ST3GAL3: variants seen among roughly 807,000 people sequenced by gnomAD.
ST3GAL3 encodes the protein ST3 beta-galactoside alpha-2,3-sialyltransferase 3, also known as CMP-N-acetylneuraminate-beta-1,4-galactoside alpha-2,3-sialyltransferase.
In ST3GAL3, 21 loss-of-function variants were observed where a neutral mutation model predicts 50.1. That is an observed-to-expected ratio of 0.42 (90% CI 0.30 to 0.60). ST3GAL3 has a LOEUF of 0.60. Among genes scored for constraint, ST3GAL3 ranks in the 20% least tolerant of loss-of-function variants. The pLI is 0.19. For synonymous variants in ST3GAL3, 183 were observed against 190.0 expected (o/e 0.96, Z 0.30); for missense variants, 353 against 489.4 (o/e 0.72, Z 2.63).
intron 6 of ST3GAL3, among the ~76,000 whole-genome samples, chr1:43,895,570 G>C (rs973750544): frequency 6.6e-6 from 1 of 152,130 alleles, no homozygotes; most frequent in African/African-American, 2.4e-5. Context: ...GTTGTTGTCA[G>C]AATTACATAA....
At chr1:43,742,020 G>A (rs561745490) in intron 2 of ST3GAL3, among the ~76,000 whole-genome samples, 2 of 152,222 alleles carry the variant, frequency 1.3e-5, no homozygotes, top group South Asian at 4.1e-4. Flanking sequence ...AGTCTGTGGG[G>A]GCATTCCTGT....
At chr1:43,731,377 A>G (rs1675709971) in intron 1 of ST3GAL3, among the ~76,000 whole-genome samples, 1 of 116,508 alleles carries the variant, frequency 8.6e-6, no homozygotes, top group Admixed American at 8.9e-5. Context: ...GCACCCAGCT[A>G]ATTTTTTTTT....
chr1:43,849,909 T>C (rs554240330), intron 5 of ST3GAL3, among the ~76,000 whole-genome samples: 1 of 152,306 alleles, frequency 6.6e-6, no homozygotes, highest in African/African-American at 2.4e-5. Flanking sequence ...GACAGGAGCA[T>C]TTCCTCTCTG....
At chr1:43,720,859 G>C (rs988463078) in intron 1 of ST3GAL3, among the ~76,000 whole-genome samples, 2 of 152,154 alleles carry the variant, frequency 1.3e-5, no homozygotes. Flanking sequence ...CAGCCAAAAA[G>C]TAGAAACAAC....
chr1:43,715,654 G>A (rs1571178009), intron 1 of ST3GAL3, among the ~76,000 whole-genome samples: 1 of 151,860 alleles, frequency 6.6e-6, no homozygotes, highest in East Asian at 1.9e-4. Context: ...GCCAAGCATG[G>A]TGGCACATCC....
intron 5 of ST3GAL3, among the ~76,000 whole-genome samples, chr1:43,849,049 T>C (rs2066799607): frequency 6.6e-6 from 1 of 152,210 alleles, no homozygotes; most frequent in Non-Finnish European, 1.5e-5. Context: ...TTCTGCCTTC[T>C]TGAACATTTT....
At chr1:43,857,650 C>G (rs1050106020) in intron 5 of ST3GAL3, among the ~76,000 whole-genome samples, 9 of 141,000 alleles carry the variant, frequency 6.4e-5, no homozygotes, top group Non-Finnish European at 1.2e-4. Flanking sequence ...GAGTCTTGCT[C>G]TGTCGCCCAG....
intron 2 of ST3GAL3, among the ~76,000 whole-genome samples, chr1:43,768,615 A>G (rs1272873584): frequency 6.6e-6 from 1 of 152,214 alleles, no homozygotes; most frequent in Non-Finnish European, 1.5e-5. Flanking sequence ...AAGAGGCTGT[A>G]TGAACAATTT....
At chr1:43,815,063 C>G in intron 4 of ST3GAL3, 130 bp downstream of exon 4, 1 of 932,248 alleles carries the variant, frequency 1.1e-6, no homozygotes, top group Non-Finnish European at 1.8e-6. Context: ...TGTCCTCAGG[C>G]TGTCAGCAGA....
At chr1:43,787,998 C>A (rs1255778839) in intron 2 of ST3GAL3, among the ~76,000 whole-genome samples, 1 of 152,156 alleles carries the variant, frequency 6.6e-6, no homozygotes, top group South Asian at 2.1e-4. Context: ...AACCTGCCAT[C>A]CTTTGGCATT....
chr1:43,835,922 G>T (rs2064254393), intron 4 of ST3GAL3, among the ~76,000 whole-genome samples: 1 of 152,218 alleles, frequency 6.6e-6, no homozygotes, highest in South Asian at 2.1e-4. Flanking sequence ...TCCACCCCGT[G>T]TCTGACTGTG....
In ST3GAL3 at chr1:43,917,593, AAT is replaced by A. The variant is rs1212785300; in HGVS notation, c.745-2802_745-2801del. 1.3e-3 allele frequency among the ~76,000 whole-genome samples: 63 copies of A among 48,072 alleles called. 1 individual carries two copies. Among genetic ancestry groups the A allele is most frequent in the African/African-American group, 3.9e-3 (54 of 13,882 alleles). 31.5% of individuals were successfully genotyped at this position (48,072 alleles called of 152,430 possible). The stretch of plus-strand genomic sequence containing the variant: ...ATATAATATATTACGTATTATATAT[AAT>A]ATATATATTATATATTATATATTAT... On this transcript the variant is annotated intron_variant, in intron 9 of 11. Transcript: ENST00000347631.
At chr1:43,792,628 G>T (rs2058216504) in intron 3 of ST3GAL3, among the ~76,000 whole-genome samples, 1 of 152,144 alleles carries the variant, frequency 6.6e-6, no homozygotes, top group Admixed American at 6.5e-5. Flanking sequence ...CCTCTTCCAG[G>T]AGAGGAGTAC....
At chr1:43,780,744 T>G (rs1369110495) in intron 2 of ST3GAL3, among the ~76,000 whole-genome samples, 1 of 152,152 alleles carries the variant, frequency 6.6e-6, no homozygotes, top group African/African-American at 2.4e-5. Flanking sequence ...CCAAATATAT[T>G]TTTTATGATA....
intron 2 of ST3GAL3, among the ~76,000 whole-genome samples, chr1:43,762,460 CT>C (rs1690876709): frequency 6.6e-6 from 1 of 152,024 alleles, no homozygotes; most frequent in African/African-American, 2.4e-5. Flanking sequence ...GGAGACAATA[CT>C]TTTAATCTTC....
chr1:43,898,167 A>T, intron 6 of ST3GAL3, 68 bp from the exon 7 acceptor site: 6 of 1,546,088 alleles, frequency 3.9e-6, no homozygotes. Context: ...TTCCAGTAGG[A>T]TTATCAGTAA....
chr1:43,778,636 CT>C (rs1209852342), intron 2 of ST3GAL3, among the ~76,000 whole-genome samples: 1 of 125,938 alleles, frequency 7.9e-6, no homozygotes, highest in African/African-American at 2.8e-5. Context: ...GATTTCTTTT[CT>C]TTTTTTCTTT....
Position 43,899,775 on chromosome 1 carries a change from G to A in ST3GAL3, c.744+48G>A, listed in dbSNP as rs370621491. 9.6e-6 allele frequency: 15 copies of A among 1,561,344 alleles called. No homozygotes were observed. Among genetic ancestry groups the A allele is most frequent in the African/African-American group, 1.4e-5 (1 of 73,790 alleles). On this transcript the variant is annotated intron_variant, in intron 9 of 11. Coordinates refer to ENST00000347631, the MANE Select transcript of ST3GAL3 (RefSeq NM_006279.5). The surrounding 1 kb of genome is among the most constrained non-coding windows in gnomAD (Gnocchi z 5.4). The stretch of plus-strand genomic sequence containing the variant: ...TCTTCCCCTCTTGCCCTGGGCTTCC[G>A]CAACTCCTAAGCAATCCCGCCCCTT...
intron 3 of ST3GAL3, chr1:43,801,819 GGCATTGCACCTATAGTCCCAGCA>G (rs1389602763): frequency 1.3e-5 from 2 of 158,494 alleles, no homozygotes; most frequent in Middle Eastern, 3.1e-3. Context: ...CAGGCGTGGT[GGCATTGCACCTATAGTCCCAGCA>G]GCATTGCACC....
Sources: allele counts gnomAD v4.1 joint callset (sites outside exome capture counted in the v4.1 genomes callset), GRCh38; gene constraint gnomAD v4.1.1; non-coding constraint Gnocchi (gnomAD v3.1); transcripts MANE v1.5; gene names NCBI Gene and HGNC (gene_info 2026-07-23, HGNC 2026-07-21).